Variants in PHC1 observed in about 807,000 individuals in gnomAD.
PHC1 encodes the protein polyhomeotic homolog 1, also known as polyhomeotic-like protein 1.
In PHC1, 12 loss-of-function variants were observed where a neutral mutation model predicts 104.3. The observed-to-expected ratio is 0.12, with a 90% CI of 0.07 to 0.19. The LOEUF is 0.19. Among genes scored for constraint, PHC1 ranks in the 10% least tolerant of loss-of-function variants. PHC1 has a pLI of 1.00. For synonymous variants in PHC1, 302 were observed against 455.8 expected (o/e 0.66, Z 4.30); for missense variants, 671 against 1,200.0 (o/e 0.56, Z 6.51).
chr12:8,937,380 C>A, intron 13 of PHC1, 54 bp downstream of exon 13: 1 of 1,462,632 alleles, frequency 6.8e-7, no homozygotes, highest in South Asian at 1.4e-5. Flanking sequence ...TTTTTTCTTT[C>A]CCTGCAGGGC....
At chr12:8,933,668 C>T (rs1945754547) in intron 8 of PHC1, 197 bp from the exon 9 acceptor site, 3 of 619,726 alleles carry the variant, frequency 4.8e-6, no homozygotes, top group Non-Finnish European at 8.3e-6. Context: ...TAGGTCAGGA[C>T]TAAATCATGT....
intron 6 of PHC1, among the ~76,000 whole-genome samples, chr12:8,927,854 T>TTTCTTTC (rs946837352): frequency 3.9e-5 from 1 of 25,646 alleles, no homozygotes; most frequent in African/African-American, 1.6e-4. Flanking sequence ...CTGTACTAGT[T>TTTCTTTC]TTCTTTCTTT....
chr12:8,920,708 A>C (rs1162465654), intron 3 of PHC1, among the ~76,000 whole-genome samples: 1 of 151,992 alleles, frequency 6.6e-6, no homozygotes, highest in African/African-American at 2.4e-5. Flanking sequence ...ACTCCTTCTC[A>C]AAAAAAATAC....
At position 8,919,022 on chromosome 12, in the gene PHC1, G is replaced by A. The variant is rs1013042643; in HGVS notation, c.115-734G>A. 1.3e-5 allele frequency among the ~76,000 whole-genome samples: 2 copies of A among 152,072 alleles called. No homozygotes were observed. Among genetic ancestry groups the A allele is most frequent in the Non-Finnish European group, 1.5e-5 (1 of 68,010 alleles). On this transcript the variant is annotated intron_variant, in intron 2 of 14. Coordinates refer to ENST00000544916, the MANE Select transcript of PHC1 (RefSeq NM_004426.3). This position sits in a 1 kb window ranked among gnomAD's most constrained non-coding sequence, Gnocchi z 4.9. ...GTGCATGGCTGTAATTGTTTCTTCC[G>A]GTTTTTAAAGGACTATATAGACTTA...
At chr12:8,921,351 T>C (rs1945356909) in intron 4 of PHC1, among the ~76,000 whole-genome samples, 1 of 152,196 alleles carries the variant, frequency 6.6e-6, no homozygotes, top group African/African-American at 2.4e-5. Context: ...TAAAATCTGT[T>C]CTGTTTCAAT....
chr12:8,932,477 G>A, intron 7 of PHC1, 86 bp from the exon 8 acceptor site: 1 of 1,444,316 alleles, frequency 6.9e-7, no homozygotes, highest in Non-Finnish European at 9.5e-7. Context: ...GTTATACCTT[G>A]GAAAAATGAA....
intron 1 of PHC1, among the ~76,000 whole-genome samples, chr12:8,917,027 G>A (rs1174855997): frequency 2.0e-5 from 3 of 152,182 alleles, no homozygotes; most frequent in African/African-American, 7.2e-5. Context: ...TTACAGTTTG[G>A]TTTGAAGAAG....
Position 8,919,668 on chromosome 12 carries a change from T to C in PHC1, c.115-88T>C. The C allele has an allele frequency of 2.3e-6, 3 of 1,310,608 alleles. No homozygotes were observed. The highest frequency in any genetic ancestry group is 2.6e-4 in the Middle Eastern group (1 of 3,776). The allele number at this position is 1,310,608 out of a possible 1,614,324, so 81.2% of individuals were successfully genotyped here. A position where few individuals can be genotyped will look rare whatever the true frequency, so the allele number is the denominator to read the frequency against. On this transcript the variant is annotated intron_variant, in intron 2 of 14. Coordinates refer to ENST00000544916, the MANE Select transcript of PHC1 (RefSeq NM_004426.3). The surrounding 1 kb of genome is among the most constrained non-coding windows in gnomAD (Gnocchi z 4.9). ...TCTCCTCTGGTTTCTGTCCTTCCCA[T>C]GGCCCCCTTTCACACAAATACAGTG...
At chr12:8,924,692 G>A (rs374893629) in intron 6 of PHC1, among the ~76,000 whole-genome samples, 11 of 152,168 alleles carry the variant, frequency 7.2e-5, no homozygotes, top group African/African-American at 1.2e-4. Flanking sequence ...TGTGGTAGGC[G>A]TTGGAGATGA....
intron 9 of PHC1, 101 bp downstream of exon 9, chr12:8,934,113 A>G: frequency 7.0e-7 from 1 of 1,418,820 alleles, no homozygotes; most frequent in Non-Finnish European, 9.9e-7. Flanking sequence ...ATGGGCCAGA[A>G]GTTGGTGGAC....
At position 8,922,765 on chromosome 12, in the gene PHC1, G is replaced by A. The variant is rs780811267; in HGVS notation, c.589G>A (p.Gly197Arg). The A allele has an allele frequency of 6.2e-7, 1 of 1,612,874 alleles. No individual in the cohort carries two copies. The highest frequency in any genetic ancestry group is 1.1e-5 in the South Asian group (1 of 90,546). Residue 197 changes from glycine (G) to arginine (R), a missense_variant, in exon 6 of 15, where the codon GGA (glycine) becomes AGA (arginine). Physicochemically the swap from Gly to Arg is moderately radical, Grantham distance 125 (BLOSUM62 -2). This residue lies in a region of PHC1 where 237 missense variants were observed against 331.1 expected (regional missense o/e 0.72). Coordinates refer to ENST00000544916, the MANE Select transcript of PHC1 (RefSeq NM_004426.3). ...QQEVPSAQSPGVHADADQVQN... is the reference protein window; with the variant it reads ...QQEVPSAQSPRVHADADQVQN... Reference sequence around the variant, plus strand: ...GGAGGTGCCATCTGCTCAGTCTCCTGGAGTTCATGCAGATGCAGATCAGGT... The same window carrying A: ...GGAGGTGCCATCTGCTCAGTCTCCTAGAGTTCATGCAGATGCAGATCAGGT...
intron 6 of PHC1, among the ~76,000 whole-genome samples, chr12:8,929,404 C>A (rs1299444372): frequency 6.6e-6 from 1 of 152,144 alleles, no homozygotes; most frequent in Non-Finnish European, 1.5e-5. Flanking sequence ...CCACAGCCTG[C>A]CTTCCTTGCT....
Position 8,919,347 on chromosome 12 carries a change from C to T in PHC1, c.115-409C>T, listed in dbSNP as rs767084631. Reference sequence around the variant, plus strand: ...AAGTGCTGGGATTACAGGCAGGAGCCACCACGCCTGGCTCAGAAAGATCTC... The same window carrying T: ...AAGTGCTGGGATTACAGGCAGGAGCTACCACGCCTGGCTCAGAAAGATCTC... On this transcript the variant is annotated intron_variant, in intron 2 of 14. Transcript: ENST00000544916. The surrounding 1 kb of genome is among the most constrained non-coding windows in gnomAD (Gnocchi z 4.9). 1.7e-4 allele frequency among the ~76,000 whole-genome samples: 26 copies of T among 152,212 alleles called. No individual in the cohort carries two copies. Among genetic ancestry groups the T allele is most frequent in the African/African-American group, 5.5e-4 (23 of 41,544 alleles).
At chr12:8,930,954 TTC>T (rs770293426) in intron 7 of PHC1, 27 bp downstream of exon 7, 24 of 1,578,496 alleles carry the variant, frequency 1.5e-5, no homozygotes, top group Non-Finnish European at 2.0e-5. Context: ...CATGTCATTA[TTC>T]TCTCAGAATT....
At chr12:8,935,800 GC>G (rs1389144078) in intron 11 of PHC1, among the ~76,000 whole-genome samples, 2 of 151,838 alleles carry the variant, frequency 1.3e-5, no homozygotes, top group Non-Finnish European at 2.9e-5. Context: ...CGCTCTTGTT[GC>G]CCAGGCTGGA....
Position 8,936,912 on chromosome 12 carries a change from G to A in PHC1, c.2425G>A (p.Ala809Thr), listed in dbSNP as rs746847200. Reference sequence around the variant, plus strand: ...CGAGTACTGTGGGAAGTACGCCCCCGCAGAGCAGTTTCGTGGCTCTAAGAG... The same window carrying A: ...CGAGTACTGTGGGAAGTACGCCCCCACAGAGCAGTTTCGTGGCTCTAAGAG... ...KCEYCGKYAP[A>T]EQFRGSKRFC... The change falls in exon 12 of 15, where the codon GCA becomes ACA. Residue 809 changes from alanine (A) to threonine (T), a missense_variant. By Grantham distance (58) the Ala-to-Thr change is moderately conservative. Coordinates refer to ENST00000544916, the MANE Select transcript of PHC1 (RefSeq NM_004426.3). The A allele has an allele frequency of 1.2e-6, 2 of 1,613,106 alleles. No homozygotes were observed. The highest frequency in any genetic ancestry group is 1.7e-6 in the Non-Finnish European group (2 of 1,179,192).
At chr12:8,917,921 G>A in intron 2 of PHC1, 130 bp downstream of exon 2, 1 of 600,514 alleles carries the variant, frequency 1.7e-6, no homozygotes. Context: ...TGACTAAGCT[G>A]TCTTCCAGCT....
rs1273892151 is a variant in PHC1 at position 8,922,677 on chromosome 12, G to A, written c.501G>A (p.Arg167=). The change falls in exon 6 of 15, where the codon CGG becomes CGA. Residue 167 remains arginine (R), a synonymous_variant. Coordinates refer to ENST00000544916, the MANE Select transcript of PHC1 (RefSeq NM_004426.3). Reference sequence around the variant, plus strand: ...TGCAGGTAAACCGAACCCTGGGTCGGAATGTGCCTCTAGCCTCCCAACTCA... The same window carrying A: ...TGCAGGTAAACCGAACCCTGGGTCGAAATGTGCCTCTAGCCTCCCAACTCA... ...NLLQVNRTLG[R]NVPLASQLIL... 6.2e-7 allele frequency: 1 copy of A among 1,601,666 alleles called. No homozygotes were observed. The highest frequency in any genetic ancestry group is 1.3e-5 in the African/African-American group (1 of 74,844).
intron 6 of PHC1, among the ~76,000 whole-genome samples, chr12:8,929,959 A>C (rs1248070380): frequency 3.9e-5 from 6 of 152,182 alleles, no homozygotes; most frequent in Admixed American, 3.3e-4. Flanking sequence ...CCCTAGTCTT[A>C]GTTGATATTC....
Sources: gnomAD v4.1 joint callset for allele counts (sites outside exome capture counted in the v4.1 genomes callset) on GRCh38, gnomAD v4.1.1 for gene constraint, gnomAD v4.1.1 regional missense constraint, Gnocchi (gnomAD v3.1) non-coding constraint, MANE v1.5 for transcripts, NCBI Gene and HGNC (gene_info 2026-07-23, HGNC 2026-07-21) for gene names.